Variants in RBFOX1 observed in about 807,000 individuals in gnomAD.
RBFOX1 encodes the protein RNA binding protein fox-1 homolog 1.
Under a neutral mutation model 57.7 loss-of-function variants are expected in RBFOX1, and 8 were observed. The observed-to-expected ratio is 0.14, with a 90% CI of 0.08 to 0.25. The LOEUF (loss-of-function observed/expected upper bound fraction) is 0.25. Ranked by LOEUF, RBFOX1 falls within the 10% of genes least tolerant of loss-of-function variation. RBFOX1 has a pLI of 1.00. For synonymous variants in RBFOX1, 326 were observed against 222.4 expected (o/e 1.47, Z -4.15); for missense variants, 611 against 548.5 (o/e 1.11, Z -1.14).
intron 2 of RBFOX1, among the ~76,000 whole-genome samples, chr16:6,595,098 T>G (rs2097763966): frequency 6.6e-6 from 1 of 152,158 alleles, no homozygotes; most frequent in African/African-American, 2.4e-5. Context: ...TCCGTGGTTT[T>G]TAATGTATTC....
intron 3 of RBFOX1, among the ~76,000 whole-genome samples, chr16:6,972,042 C>A (rs572089262): frequency 1.2e-4 from 18 of 152,132 alleles, no homozygotes; most frequent in Non-Finnish European, 2.1e-4. Context: ...CAGAGAGGGT[C>A]AAAGACTTTT....
At chr16:7,427,630 A>ATT (rs539475835) in intron 4 of RBFOX1, among the ~76,000 whole-genome samples, 6 of 147,824 alleles carry the variant, frequency 4.1e-5, no homozygotes, top group African/African-American at 1.5e-4. Context: ...TCTTCTTTTT[A>ATT]TTTTTTTTTA....
At position 6,746,212 on chromosome 16, in the gene RBFOX1, A is replaced by T. The variant is rs13336320; in HGVS notation, c.-16+91562A>T. Among the ~76,000 whole-genome samples, 58 of 152,236 alleles carry T rather than the reference A, an allele frequency of 3.8e-4. 1 individual carries two copies. In the East Asian group the frequency reaches 5.0e-3, roughly 13 times the overall value. On this transcript the variant is annotated intron_variant, in intron 3 of 15. Coordinates refer to ENST00000550418, the MANE Select transcript of RBFOX1 (RefSeq NM_018723.4). ...CCTAATTGATCTGTAGATTCAACAC[A>T]ATGCCAATCAAACCCCAGCAGGCCT...
At chr16:6,931,545 C>T (rs1301610849) in intron 3 of RBFOX1, among the ~76,000 whole-genome samples, 2 of 152,006 alleles carry the variant, frequency 1.3e-5, no homozygotes, top group Non-Finnish European at 2.9e-5. Flanking sequence ...ATTTGTTCAC[C>T]CAAGGGCTTT....
chr16:7,287,084 T>C (rs1246431101), intron 4 of RBFOX1, among the ~76,000 whole-genome samples: 2 of 152,148 alleles, frequency 1.3e-5, no homozygotes, highest in Admixed American at 1.3e-4. Flanking sequence ...TGTTCCAAGA[T>C]CATTATGGTC....
At chr16:6,586,890 A>G (rs2097631258) in intron 2 of RBFOX1, among the ~76,000 whole-genome samples, 1 of 152,242 alleles carries the variant, frequency 6.6e-6, no homozygotes, top group South Asian at 2.1e-4. Flanking sequence ...ACATTAAAAA[A>G]TTGACACTAA....
At chr16:7,265,990 T>C (rs1232409187) in intron 4 of RBFOX1, among the ~76,000 whole-genome samples, 38 of 135,306 alleles carry the variant, frequency 2.8e-4, no homozygotes, top group African/African-American at 9.5e-4. Flanking sequence ...TTTTTTTTTT[T>C]CTGAGAGGGA....
chr16:7,485,046 C>T (rs556975501), intron 4 of RBFOX1, among the ~76,000 whole-genome samples: 6 of 129,528 alleles, frequency 4.6e-5, no homozygotes, highest in Non-Finnish European at 6.4e-5. Context: ...GGGTTACGTT[C>T]CCCAACATTA....
chr16:5,880,159 T>C (rs1283258309), intron 4 of RBFOX1, among the ~76,000 whole-genome samples: 1 of 152,218 alleles, frequency 6.6e-6, no homozygotes. Flanking sequence ...GTTCCATTCA[T>C]GTCACTGCAG....
chr16:5,659,753 C>T (rs752050614), intron 3 of RBFOX1, among the ~76,000 whole-genome samples: 1 of 152,140 alleles, frequency 6.6e-6, no homozygotes, highest in Non-Finnish European at 1.5e-5. Context: ...CGTCCAGTTA[C>T]CAAGGTAGAG....
intron 3 of RBFOX1, among the ~76,000 whole-genome samples, chr16:5,753,495 C>T (rs181359418): frequency 9.2e-5 from 14 of 152,266 alleles, no homozygotes; most frequent in South Asian, 2.1e-4. Context: ...TCTAAATATG[C>T]GGCAACGGAG....
intron 4 of RBFOX1, among the ~76,000 whole-genome samples, chr16:7,487,710 C>G (rs2065798766): frequency 6.6e-6 from 1 of 152,144 alleles, no homozygotes; most frequent in African/African-American, 2.4e-5. Flanking sequence ...CAAACCTCTC[C>G]ATGCAGACAC....
chr16:7,174,379 A>G (rs1222154138), intron 4 of RBFOX1, among the ~76,000 whole-genome samples: 1 of 152,190 alleles, frequency 6.6e-6, no homozygotes, highest in Admixed American at 6.5e-5. Context: ...GTTACTATGA[A>G]CACTTGTTTC....
At chr16:6,154,914 A>G (rs567388911) in intron 1 of RBFOX1, among the ~76,000 whole-genome samples, 1 of 152,374 alleles carries the variant, frequency 6.6e-6, no homozygotes, top group African/African-American at 2.4e-5. Context: ...TTGAAAAAGA[A>G]TTCAATTAGC....
chr16:6,898,335 G>C (rs912173793), intron 3 of RBFOX1, among the ~76,000 whole-genome samples: 3 of 152,106 alleles, frequency 2.0e-5, no homozygotes, highest in Non-Finnish European at 2.9e-5. Flanking sequence ...TTGGATGGAG[G>C]GGGGTGAGGA....
At chr16:5,973,900 G>T (rs1299268839) in intron 4 of RBFOX1, among the ~76,000 whole-genome samples, 3 of 152,160 alleles carry the variant, frequency 2.0e-5, no homozygotes, top group African/African-American at 7.2e-5. Context: ...GTAGGGCTCA[G>T]AAAATGCATA....
At chr16:6,855,765 T>A (rs575145118) in intron 3 of RBFOX1, among the ~76,000 whole-genome samples, 1 of 152,174 alleles carries the variant, frequency 6.6e-6, no homozygotes, top group East Asian at 1.9e-4. Flanking sequence ...CTTGGAAGTT[T>A]TATCCTCTAC....
intron 4 of RBFOX1, among the ~76,000 whole-genome samples, chr16:7,184,561 G>A (rs532289185): frequency 6.6e-6 from 1 of 152,190 alleles, no homozygotes; most frequent in African/African-American, 2.4e-5. Context: ...TATTGGCTGT[G>A]CCTTTGTGAC....
chr16:7,185,416 C>G (rs371693158), intron 4 of RBFOX1, among the ~76,000 whole-genome samples: 1 of 152,120 alleles, frequency 6.6e-6, no homozygotes, highest in African/African-American at 2.4e-5. Context: ...ACATGGAGGG[C>G]CATTGGACGC....
Sources: gnomAD v4.1 joint callset for allele counts (sites outside exome capture counted in the v4.1 genomes callset) on GRCh38, gnomAD v4.1.1 for gene constraint, MANE v1.5 for transcripts, NCBI Gene and HGNC (gene_info 2026-07-23, HGNC 2026-07-21) for gene names.